The following TRIM33 variants were observed in gnomAD, a reference collection of about 807,000 sequenced individuals.
The protein encoded by TRIM33 is E3 ubiquitin-protein ligase TRIM33.
A neutral mutation model predicts 125.4 loss-of-function variants in TRIM33; 20 were observed. The observed-to-expected ratio is 0.16, with a 90% CI of 0.11 to 0.23. The LOEUF (loss-of-function observed/expected upper bound fraction) is 0.23, where lower values mean the gene tolerates loss of function less well. TRIM33 is among the 10% of genes least tolerant of loss of function. The probability of loss-of-function intolerance (pLI) is 1.00; values close to 1 mark genes in which losing one functional copy is unlikely to be tolerated. For missense variants in TRIM33, 920 were observed against 1,411.4 expected (o/e 0.65, Z 5.58); for synonymous variants, 564 against 513.9 (o/e 1.10, Z -1.32).
At chr1:114,465,508 A>T (rs2101395692) in intron 1 of TRIM33, among the ~76,000 whole-genome samples, 1 of 152,328 alleles carries the variant, frequency 6.6e-6, no homozygotes, top group Middle Eastern at 3.4e-3. Context: ...AAACATAAAT[A>T]AAACTTATCA....
chr1:114,445,991 G>A (rs1045515301), intron 4 of TRIM33, among the ~76,000 whole-genome samples: 1 of 152,126 alleles, frequency 6.6e-6, no homozygotes, highest in African/African-American at 2.4e-5. Context: ...CCAGGTAGCT[G>A]GGACTACAGG....
chr1:114,464,049 G>A (rs961576286), intron 2 of TRIM33, among the ~76,000 whole-genome samples: 2 of 152,122 alleles, frequency 1.3e-5, no homozygotes, highest in African/African-American at 2.4e-5. Flanking sequence ...GACAACAGGC[G>A]TGAGCCACCA....
intron 11 of TRIM33, among the ~76,000 whole-genome samples, chr1:114,411,166 G>A (rs1299414610): frequency 6.6e-6 from 1 of 151,786 alleles, no homozygotes; most frequent in Non-Finnish European, 1.5e-5. Context: ...TCAGCCTCCT[G>A]AATAGCTAGG....
At chr1:114,467,941 G>A (rs1485238618) in intron 1 of TRIM33, among the ~76,000 whole-genome samples, 2 of 152,178 alleles carry the variant, frequency 1.3e-5, no homozygotes, top group African/African-American at 2.4e-5. Context: ...GGGGAGTTGA[G>A]AGAATTTATA....
intron 1 of TRIM33, among the ~76,000 whole-genome samples, chr1:114,492,600 C>T (rs960678046): frequency 2.6e-5 from 4 of 152,168 alleles, no homozygotes; most frequent in African/African-American, 4.8e-5. Flanking sequence ...CCCTGCAAGC[C>T]CTTGGTAACC....
chr1:114,408,992 G>A (rs927008392), intron 12 of TRIM33, among the ~76,000 whole-genome samples: 3 of 152,062 alleles, frequency 2.0e-5, no homozygotes, highest in Non-Finnish European at 4.4e-5. Flanking sequence ...CCAAGAAAAC[G>A]TTATCTGCCA....
intron 4 of TRIM33, among the ~76,000 whole-genome samples, chr1:114,442,701 A>G (rs1351375916): frequency 4.7e-5 from 7 of 148,358 alleles, no homozygotes; most frequent in African/African-American, 1.0e-4. Context: ...AAAAAAAAAA[A>G]AAAGAAAAAA....
chr1:114,425,389 A>G, intron 9 of TRIM33, 60 bp downstream of exon 9: 6 of 1,569,954 alleles, frequency 3.8e-6, no homozygotes, highest in Non-Finnish European at 5.2e-6. Flanking sequence ...TTATATAGGA[A>G]AAAGTGTAGT....
chr1:114,429,522 C>A (rs566443859), intron 6 of TRIM33, among the ~76,000 whole-genome samples: 1 of 151,982 alleles, frequency 6.6e-6, no homozygotes, highest in Admixed American at 6.6e-5. Context: ...AATTGTGTTT[C>A]ACTGGAAAGA....
At chr1:114,431,000 C>G in intron 5 of TRIM33, 88 bp from the exon 6 acceptor site, 1 of 786,200 alleles carries the variant, frequency 1.3e-6, no homozygotes, top group Non-Finnish European at 2.2e-6. Context: ...CAACTGGGCA[C>G]TTAACCGAGT....
At chr1:114,486,307 T>A in intron 1 of TRIM33, among the ~76,000 whole-genome samples, 1 of 144,954 alleles carries the variant, frequency 6.9e-6, no homozygotes, top group Non-Finnish European at 1.5e-5. Flanking sequence ...TTAAAACAAA[T>A]GGAAAATAGA....
intron 1 of TRIM33, among the ~76,000 whole-genome samples, chr1:114,489,971 C>A (rs541611225): frequency 2.7e-5 from 4 of 150,660 alleles, no homozygotes; most frequent in Admixed American, 2.0e-4. Context: ...CACGTCAGGG[C>A]TGGCCATGGT....
intron 1 of TRIM33, among the ~76,000 whole-genome samples, chr1:114,471,624 AAAAAC>A (rs766649307): frequency 1.4e-4 from 22 of 152,284 alleles, no homozygotes; most frequent in African/African-American, 2.9e-4. Flanking sequence ...AGCAACTGCA[AAAAAC>A]AAAACAAAAC....
chr1:114,466,035 G>A (rs1392309420), intron 1 of TRIM33, among the ~76,000 whole-genome samples: 2 of 149,080 alleles, frequency 1.3e-5, no homozygotes, highest in African/African-American at 5.0e-5. Flanking sequence ...AGAGAGACTC[G>A]GTCTCAAAAA....
chr1:114,426,236 T>C (rs1351176045), intron 8 of TRIM33, among the ~76,000 whole-genome samples: 1 of 152,188 alleles, frequency 6.6e-6, no homozygotes. Flanking sequence ...GCCATTGCCT[T>C]CTAGGGATAG....
chr1:114,474,700 T>C lies in TRIM33; in HGVS notation c.527-10312A>G, dbSNP rs139356837. Among the ~76,000 whole-genome samples, 792 of 150,950 alleles carry C rather than the reference T, an allele frequency of 5.2e-3. 8 individuals carry two copies. The highest frequency in any genetic ancestry group is 0.018 in the African/African-American group (748 of 41,064). On this transcript the variant is annotated intron_variant, in intron 1 of 19. Coordinates refer to ENST00000358465, the MANE Select transcript of TRIM33 (RefSeq NM_015906.4). ...TGAGGTAGGGAGTTCAAGACAAGCC[T>C]GACCAACATGGAGAAACCCTGTCTC...
At chr1:114,458,142 T>C (rs1572078019) in intron 4 of TRIM33, among the ~76,000 whole-genome samples, 1 of 152,326 alleles carries the variant, frequency 6.6e-6, no homozygotes, top group East Asian at 1.9e-4. Flanking sequence ...CTGAAACTAA[T>C]ACCCTCCTTG....
intron 1 of TRIM33, among the ~76,000 whole-genome samples, chr1:114,476,417 C>T (rs1242671054): frequency 6.6e-6 from 1 of 152,008 alleles, no homozygotes; most frequent in Non-Finnish European, 1.5e-5. Flanking sequence ...TCATACTCAA[C>T]TCTATTATTT....
At chr1:114,468,878 T>G in intron 1 of TRIM33, 1 of 241,932 alleles carries the variant, frequency 4.1e-6, no homozygotes, top group Non-Finnish European at 8.4e-6. Context: ...GGGAAAAGAA[T>G]CCAGATGTGG....
Sources: gnomAD v4.1 joint callset for allele counts (sites outside exome capture counted in the v4.1 genomes callset) on GRCh38, gnomAD v4.1.1 for gene constraint, MANE v1.5 for transcripts, NCBI Gene and HGNC (gene_info 2026-07-23, HGNC 2026-07-21) for gene names.